USP43: variants seen among roughly 807,000 people sequenced by gnomAD.
USP43 encodes ubiquitin specific peptidase 43.
A neutral mutation model predicts 90.7 loss-of-function variants in USP43; 33 were observed. The observed-to-expected ratio is 0.36, with a 90% confidence interval of 0.28 to 0.49. The LOEUF (loss-of-function observed/expected upper bound fraction) is 0.49. Ranked by LOEUF, USP43 falls within the 20% of genes least tolerant of loss-of-function variation. The pLI is 0.98. For synonymous variants in USP43, 598 were observed against 615.8 expected (o/e 0.97, Z 0.43); for missense variants, 1,274 against 1,476.4 (o/e 0.86, Z 2.25).
At chr17:9,702,743 A>G (rs1567673893) in intron 12 of USP43, among the ~76,000 whole-genome samples, 1 of 152,148 alleles carries the variant, frequency 6.6e-6, no homozygotes, top group Non-Finnish European at 1.5e-5. Context: ...GAGTGTCTCC[A>G]CCGTGCAGAT....
intron 12 of USP43, among the ~76,000 whole-genome samples, chr17:9,702,407 A>C (rs573162830): frequency 6.6e-6 from 1 of 152,256 alleles, no homozygotes; most frequent in African/African-American, 2.4e-5. Flanking sequence ...CAACCATATT[A>C]AATATGGGAG....
In USP43 at chr17:9,728,586, A is replaced by G; in HGVS notation, c.2968A>G (p.Arg990Gly). The change falls in exon 15 of 15, where the codon AGA (arginine) becomes GGA (glycine). Residue 990 changes from arginine (R) to glycine (G), a missense_variant. Physicochemically the swap from Arg to Gly is moderately radical, Grantham distance 125. Transcript: ENST00000285199. The surrounding 1 kb of genome is among the most constrained non-coding windows in gnomAD (Gnocchi z 6.2). Reference sequence around the variant, plus strand: ...TCGCCGAGGCACCTCTGAGCTAGACAGACCCCTGCAGGGGACACTCACCCT... The same window carrying G: ...TCGCCGAGGCACCTCTGAGCTAGACGGACCCCTGCAGGGGACACTCACCCT... ...DSRRGTSELD[R>G]PLQGTLTLLR... 6.2e-7 allele frequency: 1 copy of G among 1,613,952 alleles called. No homozygotes were observed. Among genetic ancestry groups the G allele is most frequent in the East Asian group, 2.2e-5 (1 of 44,872 alleles).
At chr17:9,661,798 A>G (rs1317101341) in intron 2 of USP43, among the ~76,000 whole-genome samples, 1 of 144,650 alleles carries the variant, frequency 6.9e-6, no homozygotes, top group Non-Finnish European at 1.5e-5. Flanking sequence ...AGCCTCTTTC[A>G]GGGTTTTCTT....
chr17:9,653,894 C>T (rs1350225049), intron 1 of USP43, among the ~76,000 whole-genome samples: 4 of 152,112 alleles, frequency 2.6e-5, no homozygotes, highest in African/African-American at 9.7e-5. Context: ...TTGTCTGGGT[C>T]AGCTGTAGGT....
Position 9,710,057 on chromosome 17 carries a change from C to T in USP43, c.2113C>T (p.Leu705=), listed in dbSNP as rs371538348. The stretch of plus-strand genomic sequence containing the variant: ...GGTCAACACCAGAGGGGCTTATATC[C>T]TGTTCTATCAGAAGCGGAACAGCAT... ...DEVNTRGAYI[L]FYQKRNSIPP... is the part of the protein sequence containing the mutation. Residue 705 remains leucine (L), a synonymous_variant, in exon 13 of 15, where the codon CTG becomes TTG. Transcript: ENST00000285199. 68 of 1,568,300 alleles carry T rather than the reference C, an allele frequency of 4.3e-5. No homozygotes were observed. Among genetic ancestry groups the T allele is most frequent in the Non-Finnish European group, 5.7e-5 (66 of 1,156,782 alleles).
At chr17:9,675,035 T>G in intron 4 of USP43, 52 bp downstream of exon 4, 1 of 1,521,316 alleles carries the variant, frequency 6.6e-7, no homozygotes, top group Non-Finnish European at 9.1e-7. Context: ...TCCTTACTCA[T>G]TACGGGGAAG....
At chr17:9,696,146 G>GTTTT (rs71363718) in intron 9 of USP43, among the ~76,000 whole-genome samples, 2 of 151,438 alleles carry the variant, frequency 1.3e-5, no homozygotes, top group East Asian at 3.9e-4. Context: ...TGTTTTGTTT[G>GTTTT]TTTTTTAGAC....
intron 2 of USP43, among the ~76,000 whole-genome samples, chr17:9,666,393 A>G (rs1913040109): frequency 6.6e-6 from 1 of 152,166 alleles, no homozygotes; most frequent in Non-Finnish European, 1.5e-5. Context: ...GGTGAGAATG[A>G]GCGAGCATCC....
At chr17:9,646,523 A>G (rs1031566549) in intron 1 of USP43, among the ~76,000 whole-genome samples, 10 of 152,174 alleles carry the variant, frequency 6.6e-5, no homozygotes, top group African/African-American at 2.4e-4. Flanking sequence ...CCTCAGAGGA[A>G]GGAGGTGATG....
intron 3 of USP43, among the ~76,000 whole-genome samples, chr17:9,673,137 A>G (rs1245855244): frequency 6.6e-6 from 1 of 152,222 alleles, no homozygotes; most frequent in Non-Finnish European, 1.5e-5. Flanking sequence ...GCATGCAGAA[A>G]TCCCTTGTGT....
intron 9 of USP43, among the ~76,000 whole-genome samples, chr17:9,693,715 A>G (rs971472260): frequency 3.3e-5 from 5 of 152,092 alleles, no homozygotes; most frequent in African/African-American, 7.2e-5. Flanking sequence ...GCACGCGCCT[A>G]TAATCCTAGC....
intron 8 of USP43, among the ~76,000 whole-genome samples, chr17:9,687,639 T>C (rs1358015079): frequency 6.6e-6 from 1 of 152,234 alleles, no homozygotes; most frequent in Admixed American, 6.5e-5. Flanking sequence ...TTGTGTCAGA[T>C]TCCTATTGTC....
chr17:9,699,522 C>A (rs1327216294), intron 9 of USP43, among the ~76,000 whole-genome samples: 23 of 152,178 alleles, frequency 1.5e-4, no homozygotes, highest in Admixed American at 1.5e-3. Flanking sequence ...TTGAAACACT[C>A]CTTTGGGTGT....
chr17:9,725,142 T>C (rs1406000035), intron 14 of USP43, among the ~76,000 whole-genome samples: 2 of 152,196 alleles, frequency 1.3e-5, no homozygotes, highest in African/African-American at 4.8e-5. Context: ...GTCAGGGGAC[T>C]GAGCCTGTCA....
chr17:9,715,468 AAAAC>A (rs762328441), intron 14 of USP43, among the ~76,000 whole-genome samples: 7 of 152,106 alleles, frequency 4.6e-5, no homozygotes, highest in Non-Finnish European at 1.0e-4. Flanking sequence ...AACAAACAAA[AAAAC>A]CAGCATTACT....
intron 14 of USP43, among the ~76,000 whole-genome samples, chr17:9,723,027 C>T (rs7219644): frequency 0.014 from 2,074 of 152,236 alleles, 54 homozygotes; most frequent in African/African-American, 0.047. Flanking sequence ...GTGTGTGATA[C>T]GTTCTCAAAA....
chr17:9,694,509 A>G (rs1030567526), intron 9 of USP43, among the ~76,000 whole-genome samples: 5 of 152,244 alleles, frequency 3.3e-5, no homozygotes, highest in Admixed American at 1.3e-4. Context: ...TTAAAGCAAT[A>G]TGACAGAGCA....
At position 9,680,776 on chromosome 17, in the gene USP43, C is replaced by A. The variant is rs77886702; in HGVS notation, c.1105+410C>A. ...GGAGTCATCTTTGCCGTCAGGATTCCTATGGGTCAAGATTTGTGTGTGAAG... is the reference window on the plus strand; with the variant it reads ...GGAGTCATCTTTGCCGTCAGGATTCATATGGGTCAAGATTTGTGTGTGAAG... On this transcript the variant is annotated intron_variant, in intron 6 of 14. Coordinates refer to ENST00000285199, the MANE Select transcript of USP43 (RefSeq NM_153210.5). 6.0e-3 allele frequency among the ~76,000 whole-genome samples: 910 copies of A among 152,046 alleles called. 10 individuals carry two copies. The highest frequency in any genetic ancestry group is 0.021 in the African/African-American group (861 of 41,480).
Position 9,728,224 on chromosome 17 carries a change from A to G in USP43, c.2606A>G (p.Asn869Ser), listed in dbSNP as rs1277290307. Residue 869 changes from asparagine to serine, a missense_variant, in exon 15 of 15, where the codon AAC becomes AGC. This residue lies in a region of USP43 where 353 missense variants were observed against 329.7 expected (regional missense o/e 1.07). Transcript: ENST00000285199. The surrounding 1 kb of genome is among the most constrained non-coding windows in gnomAD (Gnocchi z 6.2). ...GAGAAGTCAGCATCGCCGAGGTCCAACGTCGCCCTTCCTGCTAACAGCGAA... is the reference window on the plus strand; with the variant it reads ...GAGAAGTCAGCATCGCCGAGGTCCAGCGTCGCCCTTCCTGCTAACAGCGAA... Reference protein sequence around the residue: ...EDEKSASPRSNVALPANSEDG... With the variant: ...EDEKSASPRSSVALPANSEDG... 3 of 1,613,914 alleles carry G rather than the reference A, an allele frequency of 1.9e-6. No individual in the cohort carries two copies. The highest frequency in any genetic ancestry group is 2.5e-6 in the Non-Finnish European group (3 of 1,179,878).
Sources: allele counts gnomAD v4.1 joint callset (sites outside exome capture counted in the v4.1 genomes callset), GRCh38; gene constraint gnomAD v4.1.1; regional missense constraint gnomAD v4.1.1; non-coding constraint Gnocchi (gnomAD v3.1); transcripts MANE v1.5; gene names NCBI Gene and HGNC (gene_info 2026-07-23, HGNC 2026-07-21).